CELF2: variants seen among roughly 807,000 people sequenced by gnomAD.
The protein encoded by CELF2 is CUG triplet repeat RNA-binding protein 2.
In CELF2, 8 loss-of-function variants were observed where a neutral mutation model predicts 62.6. The observed-to-expected ratio is 0.13, with a 90% CI of 0.07 to 0.23. CELF2 has a LOEUF of 0.23. CELF2 is among the 10% of genes least tolerant of loss of function. CELF2 has a pLI of 1.00. For missense variants in CELF2, 333 were observed against 671.0 expected, an observed-to-expected ratio of 0.50 and a Z score of 5.56; for synonymous variants, 258 against 250.0, an observed-to-expected ratio of 1.03 and a Z score of -0.30.
chr10:10,484,331 C>T, the CELF2 span, among the ~76,000 whole-genome samples: 1 of 40,948 alleles, frequency 2.4e-5, no homozygotes, highest in East Asian at 6.4e-4. Context: ...GTCTCACTCT[C>T]ATCTCACTCT....
the CELF2 span, among the ~76,000 whole-genome samples, chr10:10,781,961 A>T: frequency 1.3e-4 from 20 of 152,248 alleles, no homozygotes; most frequent in African/African-American, 4.3e-4. Context: ...TTAAAAAGCA[A>T]TACAGTATAA....
intron 1 of CELF2, among the ~76,000 whole-genome samples, chr10:11,162,503 G>A (rs899052883): frequency 6.6e-6 from 1 of 152,002 alleles, no homozygotes; most frequent in Non-Finnish European, 1.5e-5. Flanking sequence ...AATGAGAGGT[G>A]CTCATGGGTG....
the CELF2 span, among the ~76,000 whole-genome samples, chr10:10,535,149 T>C: frequency 5.3e-5 from 8 of 152,200 alleles, no homozygotes; most frequent in African/African-American, 1.9e-4. Context: ...TACCCAATAC[T>C]GGCAGATGAA....
At chr10:11,115,367 A>G (rs185693138) in intron 1 of CELF2, among the ~76,000 whole-genome samples, 1 of 152,158 alleles carries the variant, frequency 6.6e-6, no homozygotes, top group Non-Finnish European at 1.5e-5. Flanking sequence ...CTTTTCTTGG[A>G]TTGTTGAAAA....
the CELF2 span, among the ~76,000 whole-genome samples, chr10:10,469,259 G>T: frequency 6.6e-6 from 1 of 151,780 alleles, no homozygotes; most frequent in African/African-American, 2.4e-5. Flanking sequence ...TCAACTTTTT[G>T]ATCAAAATGC....
the CELF2 span, among the ~76,000 whole-genome samples, chr10:10,652,843 T>A: frequency 6.6e-6 from 1 of 151,848 alleles, no homozygotes; most frequent in South Asian, 2.1e-4. Context: ...GCTAACATCA[T>A]AATGACAGGA....
intron 2 of CELF2, among the ~76,000 whole-genome samples, chr10:10,981,087 G>A (rs1000823277): frequency 3.9e-5 from 6 of 152,164 alleles, no homozygotes; most frequent in African/African-American, 7.2e-5. Flanking sequence ...ATTGTGACAC[G>A]CCCACTGAAG....
chr10:10,696,285 G>T, the CELF2 span, among the ~76,000 whole-genome samples: 2 of 151,934 alleles, frequency 1.3e-5, no homozygotes, highest in Non-Finnish European at 2.9e-5. Context: ...GTGTGCCCCT[G>T]CTGGGGGGTG....
chr10:10,866,790 G>A (rs1294251266), intron 1 of CELF2, among the ~76,000 whole-genome samples: 1 of 150,852 alleles, frequency 6.6e-6, no homozygotes, highest in Non-Finnish European at 1.5e-5. Context: ...CATGGTGGCA[G>A]GTACCTATAA....
At position 11,191,663 on chromosome 10, in the gene CELF2, G is replaced by A. The variant is rs1336291360; in HGVS notation, c.272-25762G>A. Among the ~76,000 whole-genome samples the A allele has an allele frequency of 6.6e-6, 1 of 152,118 alleles. No individual in the cohort carries two copies. The highest frequency in any genetic ancestry group is 1.5e-5 in the Non-Finnish European group (1 of 68,012). ...GCCTCCCCAGGATGTTACACGTCCT[G>A]GCCTCCTCCCTGCAGAAGATGAGGC... On this transcript the variant is annotated intron_variant, in intron 2 of 12. Coordinates refer to ENST00000633077, the MANE Select transcript of CELF2 (RefSeq NM_001326342.2). The surrounding 1 kb of genome is among the most constrained non-coding windows in gnomAD (Gnocchi z 4.1).
the CELF2 span, among the ~76,000 whole-genome samples, chr10:10,528,551 C>T: frequency 6.6e-6 from 1 of 152,172 alleles, no homozygotes; most frequent in African/African-American, 2.4e-5. Flanking sequence ...AGCATGCACC[C>T]CACTTAAGAG....
intron 1 of CELF2, among the ~76,000 whole-genome samples, chr10:11,065,341 T>C (rs2067809697): frequency 1.3e-5 from 2 of 152,250 alleles, no homozygotes; most frequent in African/African-American, 2.4e-5. Context: ...TCCTCAGGTT[T>C]CTTTCAGTAG....
At chr10:10,504,516 A>T in the CELF2 span, among the ~76,000 whole-genome samples, 1 of 152,064 alleles carries the variant, frequency 6.6e-6, no homozygotes, top group African/African-American at 2.4e-5. Flanking sequence ...CAGAAGCTTG[A>T]TTATGTGCCT....
rs905326277 is a variant in CELF2, at chr10:11,117,327, A to G, written c.75-48159A>G. Among the ~76,000 whole-genome samples, 1 of 152,242 alleles carries G rather than the reference A, an allele frequency of 6.6e-6. No individual in the cohort carries two copies. The highest frequency in any genetic ancestry group is 1.5e-5 in the Non-Finnish European group (1 of 68,042). On this transcript the variant is annotated intron_variant, in intron 1 of 12. Transcript: ENST00000633077. This position sits in a 1 kb window ranked among gnomAD's most constrained non-coding sequence, Gnocchi z 4.1. ...CTTTCTGAGTTGCTTTCTTCATTCA[A>G]CGGGTGTAACAATATAAATCCTGCT...
At chr10:10,767,816 G>A in the CELF2 span, among the ~76,000 whole-genome samples, 1 of 151,946 alleles carries the variant, frequency 6.6e-6, no homozygotes, top group Non-Finnish European at 1.5e-5. Flanking sequence ...CTAACACGGT[G>A]AAACCCCGTC....
At chr10:11,132,629 T>A (rs1020545871) in intron 1 of CELF2, among the ~76,000 whole-genome samples, 8 of 152,236 alleles carry the variant, frequency 5.3e-5, no homozygotes, top group Non-Finnish European at 1.0e-4. Context: ...TACAGCTCAT[T>A]CAAGACCTAA....
intron 1 of CELF2, among the ~76,000 whole-genome samples, chr10:10,859,805 G>A (rs1459579628): frequency 6.6e-6 from 1 of 152,042 alleles, no homozygotes. Context: ...AGGAACACCT[G>A]CTTATATCAA....
rs953876655 is a variant in CELF2 at position 10,936,646 on chromosome 10, A to G, written c.89+16647A>G. 5 of 152,190 alleles carry G rather than the reference A, an allele frequency of 3.3e-5. No individual in the cohort carries two copies. The highest frequency in any genetic ancestry group is 2.0e-4 in the Admixed American group (3 of 15,270). The allele number at this position is 152,190 out of a possible 1,614,324, so 9.4% of individuals were successfully genotyped here. A position where few individuals can be genotyped will look rare whatever the true frequency, so the allele number is the denominator to read the frequency against. On this transcript the variant is annotated intron_variant, in intron 2 of 13. Transcript: ENST00000636488. The surrounding 1 kb of genome is among the most constrained non-coding windows in gnomAD (Gnocchi z 4.0). ...TACCTTTTCTCGCCACTACTTTGGTAACTTGTATCCCCCATCCCTGGGGAC... is the reference window on the plus strand; with the variant it reads ...TACCTTTTCTCGCCACTACTTTGGTGACTTGTATCCCCCATCCCTGGGGAC...
intron 2 of CELF2, among the ~76,000 whole-genome samples, chr10:10,970,994 G>C (rs1026485980): frequency 6.6e-6 from 1 of 152,098 alleles, no homozygotes; most frequent in Non-Finnish European, 1.5e-5. Flanking sequence ...TGAATGAAGG[G>C]AGTATTATAA....
Sources: allele counts gnomAD v4.1 joint callset (sites outside exome capture counted in the v4.1 genomes callset), GRCh38; gene constraint gnomAD v4.1.1; non-coding constraint Gnocchi (gnomAD v3.1); transcripts MANE v1.5; gene names NCBI Gene and HGNC (gene_info 2026-07-23, HGNC 2026-07-21).